GALNT15: variants seen among roughly 807,000 people sequenced by gnomAD.
The protein encoded by GALNT15 is polypeptide N-acetylgalactosaminyltransferase 15.
GALNT15 carries 67 observed loss-of-function variants against 66.8 expected under a neutral mutation model. That is an observed-to-expected ratio of 1.00 (90% CI 0.82 to 1.23). GALNT15 has a LOEUF of 1.23. Among genes scored for constraint, GALNT15 ranks in the 50% most tolerant of loss-of-function variants. GALNT15 has a pLI of 0.00. For synonymous variants in GALNT15, 313 were observed against 311.5 expected (o/e 1.00, Z -0.05); for missense variants, 827 against 804.3 (o/e 1.03, Z -0.34).
chr3:16,213,046 G>T (rs1048671497), intron 6 of GALNT15, among the ~76,000 whole-genome samples: 10 of 152,162 alleles, frequency 6.6e-5, no homozygotes, highest in African/African-American at 2.4e-4. Context: ...CCAGGGGAGG[G>T]GTTGGCACAG....
At chr3:16,232,303 C>T (rs928031520), downstream of GALNT15, among the ~76,000 whole-genome samples, 7 of 151,414 alleles carry the variant, frequency 4.6e-5, no homozygotes, top group East Asian at 7.8e-4. Flanking sequence ...TGTTGGCTCA[C>T]GCCTTTAATC....
chr3:16,194,560 G>A (rs1396368743), intron 1 of GALNT15, among the ~76,000 whole-genome samples: 1 of 152,192 alleles, frequency 6.6e-6, no homozygotes, highest in Admixed American at 6.5e-5. Context: ...ATTCATAGTA[G>A]TGAAGTCACG....
At position 16,203,891 on chromosome 3, in the gene GALNT15, G is replaced by A. The variant is rs866261163; in HGVS notation, c.911+3068G>A. On this transcript the variant is annotated intron_variant, in intron 3 of 9. Transcript: ENST00000339732. This position sits in a 1 kb window ranked among gnomAD's most constrained non-coding sequence, Gnocchi z 6.2. ...TTACTCCCCCAGGGACGTCGCCCAC[G>A]TGCCTCATACAAAGCCAAGCTGTGG... is the stretch of plus-strand genomic sequence containing the variant. Among the ~76,000 whole-genome samples the A allele has an allele frequency of 2.6e-5, 4 of 152,056 alleles. No homozygotes were observed. The highest frequency in any genetic ancestry group is 1.9e-4 in the East Asian group (1 of 5,186).
downstream of GALNT15, among the ~76,000 whole-genome samples, chr3:16,232,471 T>TAAATAA (rs201364608): frequency 0.042 from 1,824 of 43,724 alleles, 67 homozygotes; most frequent in Non-Finnish European, 0.051. Context: ...AATAAATAAA[T>TAAATAA]ATATATATAT....
At chr3:16,199,135 C>T (rs1348781845) in intron 2 of GALNT15, among the ~76,000 whole-genome samples, 3 of 142,248 alleles carry the variant, frequency 2.1e-5, no homozygotes, top group Non-Finnish European at 3.1e-5. Context: ...GAGACCACTG[C>T]TTCTCTGTGA....
In GALNT15 at chr3:16,219,981, G is replaced by A. The variant is rs1219608510; in HGVS notation, c.1596G>A (p.Val532=). 3 of 1,614,236 alleles carry A rather than the reference G, an allele frequency of 1.9e-6. No homozygotes were observed. The highest frequency in any genetic ancestry group is 2.5e-6 in the Non-Finnish European group (3 of 1,180,032). ...GGGACATCCTGGGCTGTCCCATGGTGTTGGCTCCTTGCAGTGACAGCCGGC... is the reference window on the plus strand; with the variant it reads ...GGGACATCCTGGGCTGTCCCATGGTATTGGCTCCTTGCAGTGACAGCCGGC... ...AEGDILGCPM[V]LAPCSDSRQQ... is the part of the protein sequence containing the mutation. The change falls in exon 8 of 10, where the codon GTG becomes GTA. Residue 532 remains valine, a synonymous_variant. Coordinates refer to ENST00000339732, the MANE Select transcript of GALNT15 (RefSeq NM_054110.5). This position sits in a 1 kb window ranked among gnomAD's most constrained non-coding sequence, Gnocchi z 4.3.
rs2063721985 is a variant in GALNT15, at chr3:16,203,393, A to C, written c.911+2570A>C. 6.6e-6 allele frequency among the ~76,000 whole-genome samples: 1 copy of C among 152,048 alleles called. No homozygotes were observed. Among genetic ancestry groups the C allele is most frequent in the South Asian group, 2.1e-4 (1 of 4,822 alleles). ...AGAAAGAAAATGAGGCTCCCTGGGA[A>C]GCCCTTTGTGATTAAGAGACATTCT... On this transcript the variant is annotated intron_variant, in intron 3 of 9. Transcript: ENST00000339732. This position sits in a 1 kb window ranked among gnomAD's most constrained non-coding sequence, Gnocchi z 6.2.
chr3:16,238,548 T>C, the GALNT15 span, among the ~76,000 whole-genome samples: 2 of 152,170 alleles, frequency 1.3e-5, no homozygotes, highest in African/African-American at 4.8e-5. This position sits in a 1 kb window ranked among gnomAD's most constrained non-coding sequence, Gnocchi z 4.8. Context: ...AGGCCAATGA[T>C]GTAAGGACTA....
At chr3:16,177,090 T>C (rs1214013070) in intron 1 of GALNT15, among the ~76,000 whole-genome samples, 3 of 152,198 alleles carry the variant, frequency 2.0e-5, no homozygotes, top group African/African-American at 7.2e-5. Flanking sequence ...AAATGATTAT[T>C]GATGTATTTA....
Position 16,194,512 on chromosome 3 carries a change from G to A in GALNT15, c.540-1248G>A, listed in dbSNP as rs147768474. Among the ~76,000 whole-genome samples the A allele has an allele frequency of 1.6e-3, 248 of 152,212 alleles. 1 individual carries two copies. The highest frequency in any genetic ancestry group is 5.6e-3 in the African/African-American group (232 of 41,526). ...GTCTGTTCACTCTGATATTTCTTTT[G>A]CTGTGCAGAAGTGCACATGTATGTT... On this transcript the variant is annotated intron_variant, in intron 1 of 9. Transcript: ENST00000339732.
chr3:16,231,921 A>G, downstream of GALNT15: 1 of 1,534,648 alleles, frequency 6.5e-7, no homozygotes, highest in Non-Finnish European at 8.7e-7. The surrounding 1 kb of genome is among the most constrained non-coding windows in gnomAD (Gnocchi z 4.1). Context: ...ACTGCCGATC[A>G]CTCTCCTCTA....
downstream of GALNT15, among the ~76,000 whole-genome samples, chr3:16,232,747 T>C (rs2064097035): frequency 6.6e-6 from 1 of 151,514 alleles, no homozygotes; most frequent in Non-Finnish European, 1.5e-5. Context: ...CTGGAGTGTG[T>C]GAGACAACCG....
chr3:16,245,377 A>G, the GALNT15 span, among the ~76,000 whole-genome samples: 1 of 152,196 alleles, frequency 6.6e-6, no homozygotes. Context: ...TTTATAACAC[A>G]GGCTTTCTAG....
chr3:16,200,519 A>G lies in GALNT15; in HGVS notation c.707-100A>G. 3 of 957,576 alleles carry G rather than the reference A, an allele frequency of 3.1e-6. No individual in the cohort carries two copies. Among genetic ancestry groups the G allele is most frequent in the East Asian group, 2.9e-5 (1 of 34,010 alleles). 59.3% of individuals were successfully genotyped at this position (957,576 alleles called of 1,614,324 possible). A position where few individuals can be genotyped will look rare whatever the true frequency, so the allele number is the denominator to read the frequency against. ...TTCGGTTCTTAGGACCCAGGTGCTC[A>G]CCACAGCTTCCAAAAGAGAGTTGCT... On this transcript the variant is annotated intron_variant, in intron 2 of 9. Coordinates refer to ENST00000339732, the MANE Select transcript of GALNT15 (RefSeq NM_054110.5). The surrounding 1 kb of genome is among the most constrained non-coding windows in gnomAD (Gnocchi z 4.4).
downstream of GALNT15, among the ~76,000 whole-genome samples, chr3:16,236,460 C>T (rs2064126253): frequency 6.6e-6 from 1 of 152,222 alleles, no homozygotes; most frequent in Non-Finnish European, 1.5e-5. Flanking sequence ...TATTTACAAA[C>T]ACAGGTGGTT....
chr3:16,177,693 C>T (rs1325099960), intron 1 of GALNT15, among the ~76,000 whole-genome samples: 1 of 152,186 alleles, frequency 6.6e-6, no homozygotes, highest in African/African-American at 2.4e-5. Context: ...CATTGTTCAT[C>T]TGGGTGTGTG....
chr3:16,222,794 G>T (rs373147304), intron 9 of GALNT15, 36 bp downstream of exon 9: 35 of 1,609,442 alleles, frequency 2.2e-5, no homozygotes, highest in Non-Finnish European at 2.9e-5. Context: ...TGGTAGTGCT[G>T]CTGGTCAGAA....
chr3:16,188,817 A>G lies in GALNT15; in HGVS notation c.540-6943A>G, dbSNP rs2063544916. Among the ~76,000 whole-genome samples, 1 of 152,060 alleles carries G rather than the reference A, an allele frequency of 6.6e-6. No homozygotes were observed. The highest frequency in any genetic ancestry group is 2.4e-5 in the African/African-American group (1 of 41,402). ...GGGGGAGGAAGAGTGGATAGATTGC[A>G]AAGCAGATGACAGGTCCTTAGCACC... On this transcript the variant is annotated intron_variant, in intron 1 of 9. Coordinates refer to ENST00000339732, the MANE Select transcript of GALNT15 (RefSeq NM_054110.5). This position sits in a 1 kb window ranked among gnomAD's most constrained non-coding sequence, Gnocchi z 4.6.
At chr3:16,242,733 T>A in the GALNT15 span, among the ~76,000 whole-genome samples, 1 of 152,104 alleles carries the variant, frequency 6.6e-6, no homozygotes, top group African/African-American at 2.4e-5. The surrounding 1 kb of genome is among the most constrained non-coding windows in gnomAD (Gnocchi z 5.6). Context: ...GAGCCGTGAT[T>A]GTGCCACTGC....
Sources: allele counts gnomAD v4.1 joint callset (sites outside exome capture counted in the v4.1 genomes callset), GRCh38; gene constraint gnomAD v4.1.1; non-coding constraint Gnocchi (gnomAD v3.1); transcripts MANE v1.5; gene names NCBI Gene and HGNC (gene_info 2026-07-23, HGNC 2026-07-21).